The following NPAS3 variants were observed in gnomAD, a reference collection of about 807,000 sequenced individuals.
NPAS3 encodes the protein neuronal PAS domain protein 3.
In NPAS3, 14 loss-of-function variants were observed where a neutral mutation model predicts 73.1. The observed-to-expected ratio is 0.19, with a 90% confidence interval of 0.13 to 0.30. The LOEUF (loss-of-function observed/expected upper bound fraction) is 0.30, where lower values mean the gene tolerates loss of function less well. Among genes scored for constraint, NPAS3 ranks in the 10% least tolerant of loss-of-function variants. The probability of loss-of-function intolerance (pLI) is 1.00; values close to 1 mark genes in which losing one functional copy is unlikely to be tolerated. For synonymous variants in NPAS3, 620 were observed against 541.5 expected (o/e 1.14, Z -2.01); for missense variants, 1,096 against 1,250.0 (o/e 0.88, Z 1.86).
chr14:33,267,509 A>T (rs1181883154), intron 3 of NPAS3, among the ~76,000 whole-genome samples: 1 of 152,138 alleles, frequency 6.6e-6, no homozygotes, highest in Non-Finnish European at 1.5e-5. Flanking sequence ...AAGACTTTGT[A>T]GGCACTCCAA....
At chr14:33,397,693 T>G (rs1157824200) in intron 4 of NPAS3, among the ~76,000 whole-genome samples, 1 of 152,120 alleles carries the variant, frequency 6.6e-6, no homozygotes, top group African/African-American at 2.4e-5. Flanking sequence ...TTATCTACAT[T>G]TTGGGGATGA....
intron 4 of NPAS3, among the ~76,000 whole-genome samples, chr14:33,522,490 T>A (rs2053599950): frequency 6.6e-6 from 1 of 152,112 alleles, no homozygotes; most frequent in Non-Finnish European, 1.5e-5. Flanking sequence ...CTTCTCTATA[T>A]TATAGCAAGA....
chr14:33,537,410 T>C (rs2054304725), intron 4 of NPAS3, among the ~76,000 whole-genome samples: 1 of 152,178 alleles, frequency 6.6e-6, no homozygotes, highest in African/African-American at 2.4e-5. Flanking sequence ...TTATTGTTAA[T>C]GGTAAAGTGG....
At chr14:33,709,969 A>G (rs771425805) in intron 6 of NPAS3, among the ~76,000 whole-genome samples, 1 of 152,222 alleles carries the variant, frequency 6.6e-6, no homozygotes, top group Non-Finnish European at 1.5e-5. Flanking sequence ...TGGCGACTTC[A>G]ACACTCACAC....
At chr14:33,381,102 A>G (rs958417949) in intron 4 of NPAS3, among the ~76,000 whole-genome samples, 38 of 152,224 alleles carry the variant, frequency 2.5e-4, no homozygotes, top group African/African-American at 9.2e-4. Flanking sequence ...ATCCATAAGG[A>G]TAGTTCAATG....
intron 3 of NPAS3, among the ~76,000 whole-genome samples, chr14:33,265,308 T>A (rs2049128554): frequency 6.6e-6 from 1 of 152,218 alleles, no homozygotes; most frequent in Admixed American, 6.5e-5. Context: ...CAAGTAGACT[T>A]AAAACATGGG....
intron 4 of NPAS3, among the ~76,000 whole-genome samples, chr14:33,520,652 A>G (rs1316650778): frequency 2.0e-5 from 3 of 152,064 alleles, no homozygotes; most frequent in African/African-American, 7.2e-5. Flanking sequence ...ATTTTTCTGT[A>G]TTTTCAGGAA....
intron 3 of NPAS3, among the ~76,000 whole-genome samples, chr14:33,345,826 A>G (rs1594742421): frequency 6.6e-6 from 1 of 152,152 alleles, no homozygotes; most frequent in Non-Finnish European, 1.5e-5. Context: ...AAGTATCTCA[A>G]ATGATATTGG....
At chr14:33,357,356 A>G (rs769888801) in intron 3 of NPAS3, among the ~76,000 whole-genome samples, 14 of 152,224 alleles carry the variant, frequency 9.2e-5, no homozygotes, top group Admixed American at 3.3e-4. Flanking sequence ...GCTGACACTC[A>G]GTGAATTGCT....
intron 2 of NPAS3, among the ~76,000 whole-genome samples, chr14:33,072,941 T>C (rs983496844): frequency 3.3e-5 from 5 of 152,178 alleles, no homozygotes; most frequent in African/African-American, 1.2e-4. Context: ...ATTTTTAAAG[T>C]TGCCTAATAA....
At chr14:32,948,846 G>T (rs1382431974) in intron 1 of NPAS3, among the ~76,000 whole-genome samples, 1 of 152,056 alleles carries the variant, frequency 6.6e-6, no homozygotes, top group African/African-American at 2.4e-5. Context: ...TCCAGACTTT[G>T]AGAAAAATGT....
chr14:33,308,236 ATG>A (rs1340123834), intron 3 of NPAS3, among the ~76,000 whole-genome samples: 1 of 152,098 alleles, frequency 6.6e-6, no homozygotes, highest in African/African-American at 2.4e-5. Context: ...GACAGTGAGA[ATG>A]TGCCATACCG....
chr14:33,151,330 T>C (rs2044436337), intron 2 of NPAS3, among the ~76,000 whole-genome samples: 1 of 152,230 alleles, frequency 6.6e-6, no homozygotes, highest in African/African-American at 2.4e-5. Flanking sequence ...GTGCATGTGT[T>C]ATTTTAACGT....
chr14:33,037,648 G>A (rs1022052616), intron 1 of NPAS3, among the ~76,000 whole-genome samples: 19 of 151,932 alleles, frequency 1.3e-4, no homozygotes, highest in Non-Finnish European at 2.1e-4. Context: ...TCTGGGCAAC[G>A]GAGGCAGACC....
intron 1 of NPAS3, among the ~76,000 whole-genome samples, chr14:32,966,968 A>G (rs183765735): frequency 2.1e-4 from 32 of 152,320 alleles, no homozygotes; most frequent in Middle Eastern, 3.4e-3. Flanking sequence ...TGAAGGAAAC[A>G]ATCGACAGAG....
intron 5 of NPAS3, among the ~76,000 whole-genome samples, chr14:33,613,093 T>C (rs1490656011): frequency 1.3e-5 from 2 of 152,180 alleles, no homozygotes; most frequent in African/African-American, 4.8e-5. Flanking sequence ...CAATGAGTGA[T>C]TACTATGTTC....
At chr14:33,480,204 G>T (rs2051246334) in intron 4 of NPAS3, among the ~76,000 whole-genome samples, 1 of 152,182 alleles carries the variant, frequency 6.6e-6, no homozygotes, top group South Asian at 2.1e-4. Context: ...GTAACTTTAT[G>T]CAGTATTAGA....
At chr14:33,704,378 C>T (rs369161677) in intron 6 of NPAS3, among the ~76,000 whole-genome samples, 49 of 152,064 alleles carry the variant, frequency 3.2e-4, no homozygotes, top group African/African-American at 1.0e-3. Context: ...TGGGATTAAC[C>T]AAGTACATCA....
At chr14:33,534,698 G>A (rs779701062) in intron 4 of NPAS3, among the ~76,000 whole-genome samples, 3 of 152,002 alleles carry the variant, frequency 2.0e-5, no homozygotes, top group Non-Finnish European at 4.4e-5. Context: ...TATGAACCTC[G>A]TACATCTTAT....
Sources: allele counts gnomAD v4.1 joint callset (sites outside exome capture counted in the v4.1 genomes callset), GRCh38; gene constraint gnomAD v4.1.1; transcripts MANE v1.5; gene names NCBI Gene and HGNC (gene_info 2026-07-23, HGNC 2026-07-21).